PIP5K1C: variants seen among roughly 807,000 people sequenced by gnomAD.
PIP5K1C encodes phosphatidylinositol 4-phosphate 5-kinase type-1 gamma.
PIP5K1C carries 45 observed loss-of-function variants against 80.1 expected under a neutral mutation model. The ratio of observed to expected loss-of-function variants is 0.56; its 90% CI spans 0.44 to 0.72. PIP5K1C has a LOEUF of 0.72. Among genes scored for constraint, PIP5K1C ranks in the 30% least tolerant of loss-of-function variants. The pLI is 0.00. For missense variants in PIP5K1C, 753 were observed against 954.6 expected, an observed-to-expected ratio of 0.79 and a Z score of 2.78; for synonymous variants, 498 against 420.1, an observed-to-expected ratio of 1.19 and a Z score of -2.27.
At chr19:3,636,279 G>T in intron 16 of PIP5K1C, 1 of 619,322 alleles carries the variant, frequency 1.6e-6, no homozygotes, top group South Asian at 7.1e-5. Context: ...GGCAGTAGCA[G>T]CTGGGACCCA....
In PIP5K1C at chr19:3,637,351, G is replaced by A. The variant is rs1315438078; in HGVS notation, c.1920+1533C>T. 2.2e-5 allele frequency: 33 copies of A among 1,534,664 alleles called. No individual in the cohort carries two copies. The highest frequency in any genetic ancestry group is 3.3e-4 in the Middle Eastern group (2 of 6,008). On this transcript the variant is annotated intron_variant, in intron 16 of 17. Coordinates refer to ENST00000335312, the MANE Select transcript of PIP5K1C (RefSeq NM_012398.3). The surrounding 1 kb of genome is among the most constrained non-coding windows in gnomAD (Gnocchi z 7.0). ...GGGACCGAATGACATTCCCAGTGAC[G>A]CATGCAGCCCAGCGCCTGGTCCGGG...
In PIP5K1C at chr19:3,630,553, C is replaced by A. The variant is rs1035388029; in HGVS notation, c.*2614G>T. 2 of 152,302 alleles carry A rather than the reference C, an allele frequency of 1.3e-5. No individual in the cohort carries two copies. The highest frequency in any genetic ancestry group is 2.4e-5 in the African/African-American group (1 of 41,308). The allele number at this position is 152,302 out of a possible 1,614,324, so 9.4% of individuals were successfully genotyped here. On this transcript the variant is annotated 3_prime_UTR_variant, in exon 18 of 18. Transcript: ENST00000335312. ...GCAGGCGCCTCTCCTGGGGTGGGGA[C>A]TGAGGGCTGTGGAGACAGTACCATG... is the stretch of plus-strand genomic sequence containing the variant.
rs558393639 is a variant in PIP5K1C, at chr19:3,661,166, C to G, written c.351-83G>C. On this transcript the variant is annotated intron_variant, in intron 4 of 17. Transcript: ENST00000335312. ...CCCGCCATGGTCCCTCCTAGTGCCT[C>G]TAGCAGCTGAGCCTCTAGCGGCTCA... 770 of 914,096 alleles carry G rather than the reference C, an allele frequency of 8.4e-4. 1 individual carries two copies. The highest frequency in any genetic ancestry group is 1.9e-3 in the Admixed American group (101 of 53,176). 56.6% of individuals were successfully genotyped at this position (914,096 alleles called of 1,614,324 possible).
At chr19:3,682,469 C>G (rs2035618745) in intron 1 of PIP5K1C, among the ~76,000 whole-genome samples, 1 of 151,972 alleles carries the variant, frequency 6.6e-6, no homozygotes, top group Non-Finnish European at 1.5e-5. Flanking sequence ...TGCTTGAGCC[C>G]AGGAATTCCA....
At chr19:3,661,789 G>A in intron 4 of PIP5K1C, 82 bp downstream of exon 4, 1 of 1,553,322 alleles carries the variant, frequency 6.4e-7, no homozygotes, top group Non-Finnish European at 8.8e-7. Flanking sequence ...TTTCAGCAGA[G>A]AAGGGCGCTC....
At chr19:3,689,232 G>A (rs1038889135) in intron 1 of PIP5K1C, among the ~76,000 whole-genome samples, 1 of 152,080 alleles carries the variant, frequency 6.6e-6, no homozygotes, top group African/African-American at 2.4e-5. Flanking sequence ...CATACAACAA[G>A]GTCACGTATC....
At chr19:3,670,498 T>TCGGTC (rs2035171607) in intron 1 of PIP5K1C, among the ~76,000 whole-genome samples, 1 of 151,960 alleles carries the variant, frequency 6.6e-6, no homozygotes, top group Admixed American at 6.5e-5. Flanking sequence ...TTCTCCGAGG[T>TCGGTC]CGGTCGGGAG....
At chr19:3,691,146 T>C (rs2035936117) in intron 1 of PIP5K1C, among the ~76,000 whole-genome samples, 1 of 152,158 alleles carries the variant, frequency 6.6e-6, no homozygotes, top group Non-Finnish European at 1.5e-5. Context: ...GGACTTTTTC[T>C]CTGAGTCACA....
At chr19:3,689,196 A>G (rs1173236973) in intron 1 of PIP5K1C, among the ~76,000 whole-genome samples, 1 of 152,126 alleles carries the variant, frequency 6.6e-6, no homozygotes. Context: ...CAGCCCTAAA[A>G]TAACACGCCT....
intron 5 of PIP5K1C, among the ~76,000 whole-genome samples, chr19:3,657,593 G>T (rs994275237): frequency 6.6e-6 from 1 of 152,082 alleles, no homozygotes; most frequent in Admixed American, 6.6e-5. Flanking sequence ...ATAAACAGGT[G>T]GGGGGTGTCC....
Position 3,692,292 on chromosome 19 carries a change from C to T in PIP5K1C, c.94+8005G>A, listed in dbSNP as rs761724859. On this transcript the variant is annotated intron_variant, in intron 1 of 17. Coordinates refer to ENST00000335312, the MANE Select transcript of PIP5K1C (RefSeq NM_012398.3). The surrounding 1 kb of genome is among the most constrained non-coding windows in gnomAD (Gnocchi z 5.2). Reference sequence around the variant, plus strand: ...CTGAGCACAGCCACCACCAGGGTCCCGACGGCCCCACCCAGTCCCACTGCC... The same window carrying T: ...CTGAGCACAGCCACCACCAGGGTCCTGACGGCCCCACCCAGTCCCACTGCC... Among the ~76,000 whole-genome samples the T allele has an allele frequency of 2.0e-5, 3 of 152,138 alleles. No individual in the cohort carries two copies. The highest frequency in any genetic ancestry group is 1.9e-4 in the East Asian group (1 of 5,174).
chr19:3,662,283 T>C (rs1378158041), intron 3 of PIP5K1C, among the ~76,000 whole-genome samples: 1 of 152,192 alleles, frequency 6.6e-6, no homozygotes, highest in African/African-American at 2.4e-5. Context: ...GTTGGCTAGC[T>C]AGGTTCTAAA....
Position 3,633,355 on chromosome 19 carries a change from T to C in PIP5K1C, c.2004+82A>G, listed in dbSNP as rs2033528792. ...CCCTCCCGCCCCGGGCCTCAGTCCCTGCCTATCCCAGTAGCTGGGGACCAC... is the reference window on the plus strand; with the variant it reads ...CCCTCCCGCCCCGGGCCTCAGTCCCCGCCTATCCCAGTAGCTGGGGACCAC... On this transcript the variant is annotated intron_variant, in intron 17 of 17. Coordinates refer to ENST00000335312, the MANE Select transcript of PIP5K1C (RefSeq NM_012398.3). 2.2e-5 allele frequency: 25 copies of C among 1,144,884 alleles called. No homozygotes were observed. In the South Asian group the frequency reaches 4.1e-4, roughly 19 times the overall value. The allele number at this position is 1,144,884 out of a possible 1,614,324, so 70.9% of individuals were successfully genotyped here. A position where few individuals can be genotyped will look rare whatever the true frequency, so the allele number is the denominator to read the frequency against.
chr19:3,651,630 T>A (rs2034453917), intron 8 of PIP5K1C, among the ~76,000 whole-genome samples, 196 bp downstream of exon 8: 1 of 152,206 alleles, frequency 6.6e-6, no homozygotes. Context: ...CCCGGAACCC[T>A]GCACTCAGCC....
intron 11 of PIP5K1C, among the ~76,000 whole-genome samples, chr19:3,645,498 ACT>A (rs1315155164): frequency 1.3e-5 from 2 of 152,104 alleles, no homozygotes; most frequent in African/African-American, 2.4e-5. Flanking sequence ...CTTCCCCACC[ACT>A]GTTTGCCCTG....
chr19:3,653,934 G>A (rs572016691), intron 6 of PIP5K1C, among the ~76,000 whole-genome samples: 2 of 152,350 alleles, frequency 1.3e-5, no homozygotes, highest in South Asian at 2.1e-4. Flanking sequence ...GGCCGGAAAC[G>A]CAATGCTGTA....
At chr19:3,633,360 A>G in intron 17 of PIP5K1C, 77 bp downstream of exon 17, 2 of 1,172,234 alleles carry the variant, frequency 1.7e-6, no homozygotes, top group African/African-American at 1.5e-5. Context: ...GTCCCTGCCT[A>G]TCCCAGTAGC....
At chr19:3,667,098 GC>G (rs1232522278) in intron 2 of PIP5K1C, among the ~76,000 whole-genome samples, 2 of 152,090 alleles carry the variant, frequency 1.3e-5, no homozygotes, top group African/African-American at 2.4e-5. Context: ...TGAGGGTGTG[GC>G]CCCTCAGATG....
chr19:3,678,327 G>T, intron 1 of PIP5K1C, among the ~76,000 whole-genome samples: 1 of 135,400 alleles, frequency 7.4e-6, no homozygotes, highest in African/African-American at 2.8e-5. Context: ...GAGGGACGGA[G>T]GGATGCAGGG....
Sources: allele counts gnomAD v4.1 joint callset (sites outside exome capture counted in the v4.1 genomes callset), GRCh38; gene constraint gnomAD v4.1.1; non-coding constraint Gnocchi (gnomAD v3.1); transcripts MANE v1.5; gene names NCBI Gene and HGNC (gene_info 2026-07-23, HGNC 2026-07-21).